Variants in GFRA2 observed in about 807,000 individuals in gnomAD.
GFRA2 encodes GDNF family receptor alpha-2.
In GFRA2, 17 loss-of-function variants were observed where a neutral mutation model predicts 48.3. The ratio of observed to expected loss-of-function variants is 0.35; its 90% CI spans 0.24 to 0.53. The LOEUF (loss-of-function observed/expected upper bound fraction) is 0.53. Among genes scored for constraint, GFRA2 ranks in the 20% least tolerant of loss-of-function variants. The probability of loss-of-function intolerance (pLI) is 0.93; values close to 1 mark genes in which losing one functional copy is unlikely to be tolerated. For missense variants in GFRA2, 660 were observed against 637.3 expected (o/e 1.04, Z -0.38); for synonymous variants, 305 against 257.2 (o/e 1.19, Z -1.78).
At chr8:21,756,180 G>A (rs1805561159) in intron 3 of GFRA2, among the ~76,000 whole-genome samples, 1 of 152,232 alleles carries the variant, frequency 6.6e-6, no homozygotes, top group Non-Finnish European at 1.5e-5. Flanking sequence ...GCAGGTTCCT[G>A]AGCTAGTGCT....
intron 1 of GFRA2, among the ~76,000 whole-genome samples, chr8:21,787,275 T>TGGG (rs780776992): frequency 1.3e-5 from 1 of 75,700 alleles, no homozygotes; most frequent in Admixed American, 1.3e-4. Context: ...GGGGGGGCAG[T>TGGG]GGGGGGGGTT....
rs558716678 is a variant in GFRA2 at position 21,694,617 on chromosome 8, C to T, written c.1219-100G>A. The T allele has an allele frequency of 6.0e-4, 644 of 1,064,602 alleles. 8 individuals are homozygous for T. In the South Asian group the frequency reaches 7.9e-3, roughly 13 times the overall value. 65.9% of individuals were successfully genotyped at this position (1,064,602 alleles called of 1,614,324 possible). A position where few individuals can be genotyped will look rare whatever the true frequency, so the allele number is the denominator to read the frequency against. On this transcript the variant is annotated intron_variant, in intron 7 of 8. Transcript: ENST00000524240. ...GAGGCCCCGCCATGCACTGTTGGCTCCGCTAAGCACAGCCAGCGCACACGG... is the reference window on the plus strand; with the variant it reads ...GAGGCCCCGCCATGCACTGTTGGCTTCGCTAAGCACAGCCAGCGCACACGG...
chr8:21,751,618 C>G (rs369740477), intron 3 of GFRA2, among the ~76,000 whole-genome samples: 1 of 152,218 alleles, frequency 6.6e-6, no homozygotes, highest in African/African-American at 2.4e-5. Context: ...TCTTCACCCA[C>G]CCTACAAATG....
At chr8:21,711,976 T>G (rs1288145575) in intron 4 of GFRA2, among the ~76,000 whole-genome samples, 2 of 152,166 alleles carry the variant, frequency 1.3e-5, no homozygotes, top group Non-Finnish European at 2.9e-5. Context: ...CAGCACATGT[T>G]TCAGAGAGCA....
At chr8:21,783,088 T>C (rs1807093930) in intron 1 of GFRA2, 189 bp from the exon 2 acceptor site, 6 of 706,498 alleles carry the variant, frequency 8.5e-6, no homozygotes, top group South Asian at 7.5e-5. Context: ...CCCCTGGATG[T>C]AGGAGCAAGT....
At chr8:21,767,594 G>A (rs1806237671) in intron 3 of GFRA2, among the ~76,000 whole-genome samples, 1 of 152,246 alleles carries the variant, frequency 6.6e-6, no homozygotes, top group Non-Finnish European at 1.5e-5. Context: ...CATCTCAAGA[G>A]CAGCACAGAG....
intron 4 of GFRA2, 60 bp from the exon 5 acceptor site, chr8:21,706,101 C>A: frequency 9.3e-7 from 1 of 1,074,358 alleles, no homozygotes; most frequent in South Asian, 1.4e-5. Context: ...TGCCTTCTGT[C>A]TCCTCTGTCC....
chr8:21,795,152 G>A (rs1239492006), intron 2 of GFRA2, among the ~76,000 whole-genome samples: 1 of 152,132 alleles, frequency 6.6e-6, no homozygotes, highest in Non-Finnish European at 1.5e-5. Flanking sequence ...CATGGGGGTT[G>A]GACAGAGTGG....
rs1244759295 is a variant in GFRA2, at chr8:21,788,146, T to G, written c.14A>C (p.Asn5Thr). The G allele has an allele frequency of 1.0e-5, 16 of 1,594,254 alleles. No individual in the cohort carries two copies. The highest frequency in any genetic ancestry group is 1.3e-5 in the Non-Finnish European group (15 of 1,169,958). Reference sequence around the variant, plus strand: ...TAGAAAGAAGAAGAGGCAGAAGACGTTTGCCAAGATCATGTTAAATAAATC... The same window carrying G: ...TAGAAAGAAGAAGAGGCAGAAGACGGTTGCCAAGATCATGTTAAATAAATC... The part of the protein sequence containing the change: MILA[N>T]VFCLFFFLDE... Residue 5 changes from asparagine (N) to threonine (T), a missense_variant, in exon 1 of 9, where the codon AAC becomes ACC. Asn to Thr is a moderately conservative substitution (Grantham distance 65, BLOSUM62 0). Transcript: ENST00000524240.
intron 3 of GFRA2, among the ~76,000 whole-genome samples, chr8:21,767,301 G>A (rs930621314): frequency 6.7e-6 from 1 of 149,336 alleles, no homozygotes; most frequent in African/African-American, 2.5e-5. Context: ...CATATCTACC[G>A]CCTCCACACA....
At chr8:21,748,822 G>A (rs546592550) in intron 4 of GFRA2, among the ~76,000 whole-genome samples, 108 of 152,128 alleles carry the variant, frequency 7.1e-4, no homozygotes, top group African/African-American at 2.3e-3. Flanking sequence ...AGCCTCCCCC[G>A]ACTTGCCTCC....
intron 4 of GFRA2, among the ~76,000 whole-genome samples, chr8:21,722,112 C>T (rs537206034): frequency 2.0e-5 from 3 of 152,088 alleles, no homozygotes; most frequent in African/African-American, 7.2e-5. Context: ...TGGGGGTAAC[C>T]GGTTAAAAGG....
intron 6 of GFRA2, among the ~76,000 whole-genome samples, chr8:21,704,370 C>G (rs780871158): frequency 1.3e-5 from 2 of 152,242 alleles, no homozygotes; most frequent in African/African-American, 4.8e-5. Flanking sequence ...TAAGTGACCC[C>G]TCTCAGTCTA....
intron 3 of GFRA2, among the ~76,000 whole-genome samples, chr8:21,759,901 A>AAG (rs1161215238): frequency 6.6e-6 from 1 of 151,984 alleles, no homozygotes; most frequent in East Asian, 1.9e-4. Context: ...AAAAAAAAAA[A>AAG]AAAAAGAATG....
chr8:21,731,840 C>T (rs1804211577), intron 4 of GFRA2, among the ~76,000 whole-genome samples: 1 of 152,202 alleles, frequency 6.6e-6, no homozygotes, highest in Admixed American at 6.5e-5. Context: ...TCAAAAGTCA[C>T]AGTATCTGGC....
intron 1 of GFRA2, 38 bp downstream of exon 1, chr8:21,788,082 T>TCCCC: frequency 1.4e-6 from 1 of 690,452 alleles, no homozygotes; most frequent in South Asian, 1.8e-5. Context: ...CCCCGGCTTC[T>TCCCC]CGCCTCCCCC....
chr8:21,767,034 C>G (rs149246921), intron 3 of GFRA2, among the ~76,000 whole-genome samples: 6,026 of 149,828 alleles, frequency 0.04, 412 homozygotes, highest in African/African-American at 0.14. Context: ...CACACACTGC[C>G]ATGCACAAAA....
In GFRA2 at chr8:21,743,836, G is replaced by A. The variant is rs893847827; in HGVS notation, c.794+6752C>T. ...ATCCTTCTCTAGGGAGCCAATCCAA[G>A]TTGGTCATCTAGAGAAGGAAGAGGT... On this transcript the variant is annotated intron_variant, in intron 4 of 8. Coordinates refer to ENST00000524240, the MANE Select transcript of GFRA2 (RefSeq NM_001495.5). Among the ~76,000 whole-genome samples, 4 of 152,186 alleles carry A rather than the reference G, an allele frequency of 2.6e-5. No homozygotes were observed. The South Asian group carries it at 8.3e-4, about 32-fold the overall frequency.
chr8:21,785,581 G>A (rs1201538131), intron 1 of GFRA2, among the ~76,000 whole-genome samples: 1 of 152,170 alleles, frequency 6.6e-6, no homozygotes, highest in Non-Finnish European at 1.5e-5. Flanking sequence ...GAGGGGGGTG[G>A]AGAAGCGACA....
Sources: gnomAD v4.1 joint callset for allele counts (sites outside exome capture counted in the v4.1 genomes callset) on GRCh38, gnomAD v4.1.1 for gene constraint, MANE v1.5 for transcripts, NCBI Gene and HGNC (gene_info 2026-07-23, HGNC 2026-07-21) for gene names.